Variants in METAP1D observed in about 807,000 individuals in gnomAD.
The protein encoded by METAP1D is methionine aminopeptidase 1D, mitochondrial.
Under a neutral mutation model 40.5 loss-of-function variants are expected in METAP1D, and 31 were observed. That is an observed-to-expected ratio of 0.77 (90% CI 0.58 to 1.03). The LOEUF is 1.03. Among genes scored for constraint, METAP1D ranks in the 50% least tolerant of loss-of-function variants. The pLI is 0.00. For synonymous variants in METAP1D, 151 were observed against 146.4 expected, an observed-to-expected ratio of 1.03 and a Z score of -0.22; for missense variants, 411 against 420.7, an observed-to-expected ratio of 0.98 and a Z score of 0.20.
intron 1 of METAP1D, among the ~76,000 whole-genome samples, chr2:172,017,866 C>T (rs2105390971): frequency 6.6e-6 from 1 of 152,188 alleles, no homozygotes; most frequent in African/African-American, 2.4e-5. Context: ...CGGTGGCTTA[C>T]ACCTGTAATC....
In METAP1D at chr2:172,061,647, G is replaced by T; in HGVS notation, c.190G>T (p.Val64Phe). Residue 64 changes from valine (V) to phenylalanine (F), a missense_variant, in exon 2 of 10, where the codon GTT becomes TTT. Physicochemically the swap from Val to Phe is conservative, Grantham distance 50. Coordinates refer to ENST00000315796, the MANE Select transcript of METAP1D (RefSeq NM_199227.3). ...LPAAVSSAHP[V>F]PKHIKKPDYV... ...GGCTGCAGTTTCTTCAGCTCATCCGGTTCCTAAGGTACTGTATTGCCTATT... is the reference window on the plus strand; with the variant it reads ...GGCTGCAGTTTCTTCAGCTCATCCGTTTCCTAAGGTACTGTATTGCCTATT... The T allele has an allele frequency of 1.2e-6, 2 of 1,611,130 alleles. No homozygotes were observed. The highest frequency in any genetic ancestry group is 1.1e-5 in the South Asian group (1 of 90,346).
At chr2:172,033,843 G>A (rs376281615) in intron 1 of METAP1D, among the ~76,000 whole-genome samples, 5 of 151,846 alleles carry the variant, frequency 3.3e-5, no homozygotes, top group South Asian at 4.2e-4. Context: ...TTGGGAGGCC[G>A]AGGCGGGGGG....
intron 1 of METAP1D, among the ~76,000 whole-genome samples, chr2:172,011,041 C>T (rs1688707263): frequency 6.6e-6 from 1 of 152,112 alleles, no homozygotes; most frequent in African/African-American, 2.4e-5. Context: ...AGGCGTGAGC[C>T]ACCGCGCCCA....
rs537452253 is a variant in METAP1D, at chr2:172,080,763, C to A, written c.*357C>A. On this transcript the variant is annotated 3_prime_UTR_variant, in exon 10 of 10. Transcript: ENST00000315796. ...TGTTGGAGTAAAAAACCTCTTAAAT[C>A]CATTGTATCAGAGGTCCTTACCTCT... 3 of 393,108 alleles carry A rather than the reference C, an allele frequency of 7.6e-6. No individual in the cohort carries two copies. Among genetic ancestry groups the A allele is most frequent in the South Asian group, 5.4e-5 (2 of 37,356 alleles). The allele number at this position is 393,108 out of a possible 1,614,324, so 24.4% of individuals were successfully genotyped here.
intron 1 of METAP1D, among the ~76,000 whole-genome samples, chr2:172,053,436 T>C (rs1299174190): frequency 6.6e-6 from 1 of 152,222 alleles, no homozygotes; most frequent in East Asian, 1.9e-4. Flanking sequence ...AGTTAATATA[T>C]TATTAAGCAA....
At position 172,078,789 on chromosome 2, in the gene METAP1D, C is replaced by T. The variant is rs7589764; in HGVS notation, c.803-426C>T. ...GCTATTTGAAGTCAGGCCCCTGCTCCCCACAACCTGCACCAAAGGAGGCTT... is the reference window on the plus strand; with the variant it reads ...GCTATTTGAAGTCAGGCCCCTGCTCTCCACAACCTGCACCAAAGGAGGCTT... On this transcript the variant is annotated intron_variant, in intron 7 of 9. Coordinates refer to ENST00000315796, the MANE Select transcript of METAP1D (RefSeq NM_199227.3). Among the ~76,000 whole-genome samples the T allele has an allele frequency of 9.6e-3, 1,460 of 152,270 alleles. 25 individuals are homozygous for T. Among genetic ancestry groups the T allele is most frequent in the African/African-American group, 0.029 (1,205 of 41,548 alleles).
At chr2:172,067,136 A>G (rs889452539) in intron 5 of METAP1D, among the ~76,000 whole-genome samples, 2 of 152,254 alleles carry the variant, frequency 1.3e-5, no homozygotes, top group Non-Finnish European at 2.9e-5. Flanking sequence ...TACCTAGATT[A>G]TAAATAAATT....
At chr2:172,025,250 A>G (rs946203757) in intron 1 of METAP1D, among the ~76,000 whole-genome samples, 2 of 152,232 alleles carry the variant, frequency 1.3e-5, no homozygotes, top group Non-Finnish European at 2.9e-5. Context: ...ATTGGACCAC[A>G]GGATATATGG....
chr2:172,059,329 A>C (rs998527391), intron 1 of METAP1D, among the ~76,000 whole-genome samples: 11 of 151,768 alleles, frequency 7.2e-5, no homozygotes, highest in African/African-American at 2.4e-4. Context: ...GACCCACCGC[A>C]CTCAGCCTTG....
At position 172,000,345 on chromosome 2, in the gene METAP1D, A is replaced by G. The variant is rs1271001803; in HGVS notation, c.40+336A>G. 2.0e-5 allele frequency among the ~76,000 whole-genome samples: 3 copies of G among 152,338 alleles called. 1 individual carries two copies. The highest frequency in any genetic ancestry group is 7.2e-5 in the African/African-American group (3 of 41,588). On this transcript the variant is annotated intron_variant, in intron 1 of 9. Transcript: ENST00000315796. ...CAACATTTATTCTGTATGCCGAGCA[A>G]GGAAACCTATGGTAATTCTGAAATG...
At chr2:172,043,965 T>A (rs1689675942) in intron 1 of METAP1D, among the ~76,000 whole-genome samples, 2 of 133,938 alleles carry the variant, frequency 1.5e-5, no homozygotes, top group African/African-American at 5.1e-5. Context: ...TGGTGGCATG[T>A]GCCTGTAGTC....
chr2:172,031,137 T>A (rs2105412944), intron 1 of METAP1D, among the ~76,000 whole-genome samples: 1 of 152,342 alleles, frequency 6.6e-6, no homozygotes, highest in Non-Finnish European at 1.5e-5. Context: ...CCACTGGCCC[T>A]AAAATATGTC....
At position 172,080,876 on chromosome 2, in the gene METAP1D, T is replaced by C; in HGVS notation, c.*470T>C. ...TGACTGGGATTTTTAAGAATCCGTT[T>C]CTCCCTTTTGTGTATTCCATATTGG... On this transcript the variant is annotated 3_prime_UTR_variant, in exon 10 of 10. Transcript: ENST00000315796. The C allele has an allele frequency of 5.3e-6, 1 of 188,606 alleles. No individual in the cohort carries two copies. The highest frequency in any genetic ancestry group is 1.1e-5 in the Non-Finnish European group (1 of 89,540). 11.7% of individuals were successfully genotyped at this position (188,606 alleles called of 1,614,324 possible). A position where few individuals can be genotyped will look rare whatever the true frequency, so the allele number is the denominator to read the frequency against.
chr2:172,068,260 G>A (rs1344642761), intron 5 of METAP1D, among the ~76,000 whole-genome samples: 1 of 152,034 alleles, frequency 6.6e-6, no homozygotes, highest in Non-Finnish European at 1.5e-5. Context: ...CTGTGTGGGG[G>A]CAGGAGCCTC....
At chr2:172,032,681 T>G (rs1023522277) in intron 1 of METAP1D, among the ~76,000 whole-genome samples, 3 of 152,188 alleles carry the variant, frequency 2.0e-5, no homozygotes, top group South Asian at 2.1e-4. Flanking sequence ...AATGAATCTA[T>G]CTACTGGTCA....
chr2:172,063,627 T>C (rs1438192188), intron 2 of METAP1D, 84 bp from the exon 3 acceptor site: 2 of 1,054,064 alleles, frequency 1.9e-6, no homozygotes, highest in Admixed American at 2.0e-5. Context: ...CAGAGCTCCA[T>C]GAAGCAGGAG....
intron 1 of METAP1D, among the ~76,000 whole-genome samples, chr2:172,001,889 G>T (rs554783971): frequency 1.3e-5 from 2 of 151,896 alleles, no homozygotes; most frequent in Admixed American, 1.3e-4. Flanking sequence ...TTGAGGCCAG[G>T]AGTTCAAGAC....
chr2:172,066,182 A>G (rs1034724463), intron 4 of METAP1D, 82 bp from the exon 5 acceptor site: 1 of 1,122,302 alleles, frequency 8.9e-7, no homozygotes, highest in Admixed American at 2.0e-5. Context: ...TGGGTTTGTG[A>G]CAGTAGTCAT....
chr2:172,025,359 C>T (rs992407188), intron 1 of METAP1D, among the ~76,000 whole-genome samples: 1 of 152,106 alleles, frequency 6.6e-6, no homozygotes, highest in Non-Finnish European at 1.5e-5. Context: ...GACAAGATCT[C>T]ACTCTGTGGC....
Sources: allele counts gnomAD v4.1 joint callset (sites outside exome capture counted in the v4.1 genomes callset), GRCh38; gene constraint gnomAD v4.1.1; transcripts MANE v1.5; gene names NCBI Gene and HGNC (gene_info 2026-07-23, HGNC 2026-07-21).